CDH13: variants seen among roughly 807,000 people sequenced by gnomAD.
CDH13 encodes cadherin 13.
CDH13 carries 24 observed loss-of-function variants against 63.8 expected under a neutral mutation model. The ratio of observed to expected loss-of-function variants is 0.38; its 90% CI spans 0.27 to 0.53. The LOEUF is 0.53. Among genes scored for constraint, CDH13 ranks in the 20% least tolerant of loss-of-function variants. The probability of loss-of-function intolerance (pLI) is 0.85; values close to 1 mark genes in which losing one functional copy is unlikely to be tolerated. For synonymous variants in CDH13, 503 were observed against 355.3 expected (o/e 1.42, Z -4.67); for missense variants, 1,049 against 903.1 (o/e 1.16, Z -2.07).
At chr16:82,948,165 C>T (rs941267659) in intron 2 of CDH13, among the ~76,000 whole-genome samples, 32 of 152,036 alleles carry the variant, frequency 2.1e-4, no homozygotes, top group African/African-American at 7.7e-4. Context: ...ATTTTGATTC[C>T]CAAAGCACCC....
chr16:83,171,504 A>G (rs2151729307), intron 4 of CDH13: 1 of 1,530,758 alleles, frequency 6.5e-7, no homozygotes, highest in East Asian at 2.4e-5. Context: ...CTGCCCATAA[A>G]TAATCTTTGT....
Position 83,174,586 on chromosome 16 carries a change from A to C in CDH13, c.484-42759A>C, listed in dbSNP as rs998324053. Among the ~76,000 whole-genome samples, 3 of 152,106 alleles carry C rather than the reference A, an allele frequency of 2.0e-5. No individual in the cohort carries two copies. In the South Asian group the frequency reaches 6.2e-4, roughly 32 times the overall value. ...CCAAACCTGCACTGTCCAGTTAGGT[A>C]GCCACTAGCCACCTGTGGTTACTTA... On this transcript the variant is annotated intron_variant, in intron 4 of 13. Coordinates refer to ENST00000567109, the MANE Select transcript of CDH13 (RefSeq NM_001257.5).
chr16:83,386,580 C>G (rs1293575151), intron 6 of CDH13, among the ~76,000 whole-genome samples: 1 of 152,166 alleles, frequency 6.6e-6, no homozygotes, highest in African/African-American at 2.4e-5. Context: ...TACTTGAGGA[C>G]TCTAGGAGGC....
rs113320693 is a variant in CDH13 at position 83,366,938 on chromosome 16, T to C, written c.781+21932T>C. 3.9e-5 allele frequency among the ~76,000 whole-genome samples: 6 copies of C among 152,290 alleles called. 1 individual carries two copies. The highest frequency in any genetic ancestry group is 1.4e-4 in the African/African-American group (6 of 41,564). On this transcript the variant is annotated intron_variant, in intron 6 of 13. Transcript: ENST00000567109. Reference sequence around the variant, plus strand: ...CCAAAGCCCTCTTTTTTTTTCTCCTTCTTTGTTTTTGGCATATAACAGCTT... The same window carrying C: ...CCAAAGCCCTCTTTTTTTTTCTCCTCCTTTGTTTTTGGCATATAACAGCTT...
At chr16:82,941,183 T>C (rs1904282351) in intron 2 of CDH13, among the ~76,000 whole-genome samples, 1 of 152,252 alleles carries the variant, frequency 6.6e-6, no homozygotes, top group South Asian at 2.1e-4. Flanking sequence ...TTCATTTATT[T>C]ATTCATTCAT....
chr16:82,904,377 A>G (rs1035024320), intron 2 of CDH13, among the ~76,000 whole-genome samples: 3 of 152,116 alleles, frequency 2.0e-5, no homozygotes, highest in Non-Finnish European at 2.9e-5. Flanking sequence ...CTAAAGAGAG[A>G]TTGATATGAT....
In CDH13 at chr16:83,646,712, A is replaced by AAAAAAAAAACAC. The variant is rs1168012793; in HGVS notation, c.1102-24077_1102-24076insAAAAAAAACACA. ...CGTCTCAAAAAAAAAAAAAAAAAAA[A>AAAAAAAAAACAC]ACACACACACACACACACACACACA... On this transcript the variant is annotated intron_variant, in intron 8 of 13. Transcript: ENST00000567109. 9.4e-4 allele frequency among the ~76,000 whole-genome samples: 76 copies of AAAAAAAAAACAC among 80,516 alleles called. 6 individuals are homozygous for AAAAAAAAAACAC. The highest frequency in any genetic ancestry group is 1.8e-3 in the African/African-American group (40 of 22,170). The allele number at this position is 80,516 out of a possible 152,430, so 52.8% of individuals were successfully genotyped here.
At chr16:82,744,502 G>A (rs1035098331) in intron 1 of CDH13, among the ~76,000 whole-genome samples, 21 of 152,138 alleles carry the variant, frequency 1.4e-4, no homozygotes, top group African/African-American at 4.6e-4. Context: ...GTATCTATAC[G>A]TCTTACTTCT....
Position 83,557,962 on chromosome 16 carries a change from G to C in CDH13, c.961-44492G>C, listed in dbSNP as rs1213872583. On this transcript the variant is annotated intron_variant, in intron 7 of 13. Transcript: ENST00000567109. ...TCTATAGATCCGTCACTTCCACAGG[G>C]AAGATTGCTTTTCTTGGTTGTTTGC... is the stretch of plus-strand genomic sequence containing the variant. Among the ~76,000 whole-genome samples, 2 of 152,294 alleles carry C rather than the reference G, an allele frequency of 1.3e-5. 1 individual carries two copies. The highest frequency in any genetic ancestry group is 4.8e-5 in the African/African-American group (2 of 41,560).
At chr16:83,439,958 A>G (rs1409544051) in intron 6 of CDH13, among the ~76,000 whole-genome samples, 1 of 152,220 alleles carries the variant, frequency 6.6e-6, no homozygotes, top group African/African-American at 2.4e-5. Context: ...TGTCAAATGT[A>G]AAGAAGAAAA....
intron 3 of CDH13, among the ~76,000 whole-genome samples, chr16:83,102,652 G>A (rs2034539882): frequency 6.6e-6 from 1 of 152,198 alleles, no homozygotes; most frequent in African/African-American, 2.4e-5. Flanking sequence ...CCACCCTGGG[G>A]GAGGGTGGTG....
chr16:83,518,842 A>G (rs191110843), intron 7 of CDH13, among the ~76,000 whole-genome samples: 1 of 152,056 alleles, frequency 6.6e-6, no homozygotes, highest in Non-Finnish European at 1.5e-5. Context: ...GTGAAGAAGG[A>G]TGTGTTGGCT....
intron 10 of CDH13, among the ~76,000 whole-genome samples, chr16:83,738,749 T>C (rs1439092026): frequency 6.6e-6 from 1 of 152,086 alleles, no homozygotes; most frequent in Non-Finnish European, 1.5e-5. Context: ...CTACTAAACA[T>C]ACAAAAATTA....
At chr16:83,724,805 G>A (rs753033089) in intron 10 of CDH13, among the ~76,000 whole-genome samples, 10 of 152,198 alleles carry the variant, frequency 6.6e-5, no homozygotes, top group Non-Finnish European at 1.5e-4. Flanking sequence ...AGCTGGGTGA[G>A]CAGGGGCTAT....
intron 1 of CDH13, among the ~76,000 whole-genome samples, chr16:82,814,065 T>C (rs2037582722): frequency 2.6e-5 from 4 of 152,162 alleles, no homozygotes; most frequent in Admixed American, 1.3e-4. Flanking sequence ...CTGAGGGTTT[T>C]ATAGTTTGAG....
chr16:83,414,593 T>C (rs1250802386), intron 6 of CDH13, among the ~76,000 whole-genome samples: 3 of 152,104 alleles, frequency 2.0e-5, no homozygotes, highest in Non-Finnish European at 2.9e-5. Flanking sequence ...CCCTAGACCC[T>C]GACAGACACC....
intron 2 of CDH13, among the ~76,000 whole-genome samples, chr16:82,942,072 A>C (rs1166388318): frequency 6.6e-6 from 1 of 152,162 alleles, no homozygotes; most frequent in Non-Finnish European, 1.5e-5. Flanking sequence ...TATTTTTCCT[A>C]TCAGGCTTAT....
chr16:83,052,102 TG>T (rs796462016), intron 3 of CDH13, among the ~76,000 whole-genome samples: 30 of 152,364 alleles, frequency 2.0e-4, no homozygotes, highest in African/African-American at 6.5e-4. Context: ...ATGCATTCTC[TG>T]CTTACTTCAT....
At chr16:83,398,727 G>C (rs1045596402) in intron 6 of CDH13, among the ~76,000 whole-genome samples, 2 of 152,116 alleles carry the variant, frequency 1.3e-5, no homozygotes, top group Non-Finnish European at 2.9e-5. Context: ...ATGAGAGCTT[G>C]GACTGCTGCT....
Sources: gnomAD v4.1 joint callset for allele counts (sites outside exome capture counted in the v4.1 genomes callset) on GRCh38, gnomAD v4.1.1 for gene constraint, MANE v1.5 for transcripts, NCBI Gene and HGNC (gene_info 2026-07-23, HGNC 2026-07-21) for gene names.